Variants in SAXO4 observed in about 807,000 individuals in gnomAD.
The protein encoded by SAXO4 is stabilizer of axonemal microtubules 4, also known as protein phosphatase 1 regulatory subunit 32.
the SAXO4 span, chr11:61,489,766 C>G: frequency 7.7e-5 from 125 of 1,613,882 alleles, no homozygotes; most frequent in Middle Eastern, 2.5e-3. Flanking sequence ...AGCCAAGGAC[C>G]CCTCCTCTCC....
At chr11:61,486,440 C>A in the SAXO4 span, 1 of 1,613,312 alleles carries the variant, frequency 6.2e-7, no homozygotes, top group Admixed American at 1.7e-5. Context: ...GACCGCCTGG[C>A]GGGGAGCAGT....
At chr11:61,485,408 C>T in the SAXO4 span, 4 of 1,611,858 alleles carry the variant, frequency 2.5e-6, no homozygotes, top group South Asian at 4.4e-5. Flanking sequence ...CCAGGTAGGC[C>T]CTGTCTGAAC....
chr11:61,485,929 C>T, the SAXO4 span: 1 of 1,570,620 alleles, frequency 6.4e-7, no homozygotes, highest in Non-Finnish European at 8.8e-7. Flanking sequence ...GGCTGGGCTC[C>T]TGCTAGAACT....
chr11:61,486,425 C>T, the SAXO4 span: 7 of 1,613,974 alleles, frequency 4.3e-6, no homozygotes, highest in Non-Finnish European at 5.1e-6. Context: ...TAGGGGGAGG[C>T]TGGGGACCGC....
At chr11:61,482,399 T>C in the SAXO4 span, 13 of 1,614,138 alleles carry the variant, frequency 8.1e-6, no homozygotes, top group Non-Finnish European at 1.1e-5. Flanking sequence ...GCCAAGCCAG[T>C]CTGGAGGCCT....
the SAXO4 span, chr11:61,486,948 G>A: frequency 6.2e-7 from 1 of 1,613,790 alleles, no homozygotes; most frequent in Admixed American, 1.7e-5. Flanking sequence ...TGCCCTGCAG[G>A]TGCCCCCTCC....
At chr11:61,483,863 CAGG>C in the SAXO4 span, among the ~76,000 whole-genome samples, 11 of 151,890 alleles carry the variant, frequency 7.2e-5, no homozygotes, top group Non-Finnish European at 1.0e-4. Context: ...AAGGCTGAGG[CAGG>C]AGAATTGCTT....
At chr11:61,489,374 C>A in the SAXO4 span, 10 of 421,618 alleles carry the variant, frequency 2.4e-5, no homozygotes, top group African/African-American at 2.0e-4. Flanking sequence ...ACCCCCTCTT[C>A]ATAAGTTCAA....
At chr11:61,487,034 G>T in the SAXO4 span, 2 of 1,613,952 alleles carry the variant, frequency 1.2e-6, no homozygotes, top group African/African-American at 2.7e-5. Flanking sequence ...ACGTTGCCCT[G>T]CTTGGCCGGG....
At chr11:61,484,572 A>G in the SAXO4 span, 1 of 1,358,040 alleles carries the variant, frequency 7.4e-7, no homozygotes, top group South Asian at 1.3e-5. Context: ...TTTCATTGTA[A>G]AAGGACCCCC....
chr11:61,485,458 TG>T, the SAXO4 span: 1 of 1,506,984 alleles, frequency 6.6e-7, no homozygotes, highest in Non-Finnish European at 9.2e-7. Context: ...CCTCCCTACT[TG>T]CTACCCCAGG....
chr11:61,482,591 G>A, the SAXO4 span: 1 of 1,611,106 alleles, frequency 6.2e-7, no homozygotes, highest in South Asian at 1.1e-5. Flanking sequence ...GCAGGGAGGA[G>A]GGAAGCTCCT....
chr11:61,486,886 C>T, the SAXO4 span: 13 of 1,389,900 alleles, frequency 9.4e-6, no homozygotes, highest in Admixed American at 1.8e-4. Context: ...GCTCCCCTCT[C>T]CATCCCTGCT....
chr11:61,486,683 T>A, the SAXO4 span: 1 of 1,396,400 alleles, frequency 7.2e-7, no homozygotes, highest in Non-Finnish European at 1.0e-6. Flanking sequence ...GGCATTTGGG[T>A]CAGGCATTGA....
chr11:61,486,220 C>A, the SAXO4 span: 1 of 966,204 alleles, frequency 1.0e-6, no homozygotes, highest in Non-Finnish European at 1.6e-6. Context: ...CTCAGTGATG[C>A]CCATTTGAGC....
At chr11:61,490,895 A>T in the SAXO4 span, 1 of 401,444 alleles carries the variant, frequency 2.5e-6, no homozygotes, top group East Asian at 4.7e-5. Flanking sequence ...CTGCCCAGCT[A>T]CTTTCCTAAT....
chr11:61,485,781 A>G, the SAXO4 span: 2 of 1,604,642 alleles, frequency 1.2e-6, no homozygotes, highest in Middle Eastern at 1.8e-4. Flanking sequence ...GGCAGCACAC[A>G]GGGCATTTCT....
the SAXO4 span, chr11:61,485,816 T>G: frequency 6.2e-7 from 1 of 1,613,742 alleles, no homozygotes; most frequent in Non-Finnish European, 8.5e-7. Context: ...GCAGAAGAAA[T>G]CGATCGGCGC....
chr11:61,485,186 C>A, the SAXO4 span: 1 of 655,002 alleles, frequency 1.5e-6, no homozygotes, highest in Non-Finnish European at 2.6e-6. Flanking sequence ...CCTGCGATGT[C>A]CCACCCCACA....
Sources: gnomAD v4.1 joint callset for allele counts (sites outside exome capture counted in the v4.1 genomes callset) on GRCh38, gnomAD v4.1.1 for gene constraint, MANE v1.5 for transcripts, NCBI Gene and HGNC (gene_info 2026-07-23, HGNC 2026-07-21) for gene names.